SIMC1: variants seen among roughly 807,000 people sequenced by gnomAD.
The protein encoded by SIMC1 is SUMO interacting motifs containing 1.
A neutral mutation model predicts 82.3 loss-of-function variants in SIMC1; 55 were observed. The ratio of observed to expected loss-of-function variants is 0.67; its 90% CI spans 0.54 to 0.84. The LOEUF (loss-of-function observed/expected upper bound fraction) is 0.84. Among genes scored for constraint, SIMC1 ranks in the 40% least tolerant of loss-of-function variants. SIMC1 has a pLI of 0.00. For missense variants in SIMC1, 915 were observed against 1,107.2 expected (o/e 0.83, Z 2.46); for synonymous variants, 353 against 426.3 (o/e 0.83, Z 2.12).
intron 4 of SIMC1, among the ~76,000 whole-genome samples, chr5:176,301,379 T>G (rs1764033157): frequency 6.6e-6 from 1 of 152,172 alleles, no homozygotes; most frequent in Non-Finnish European, 1.5e-5. Context: ...TCCCCAGCCA[T>G]GTGGAACTGT....
At chr5:176,345,027 A>T (rs1209268275) in intron 9 of SIMC1, among the ~76,000 whole-genome samples, 156 bp from the exon 10 acceptor site, 7 of 152,106 alleles carry the variant, frequency 4.6e-5, no homozygotes, top group Admixed American at 3.9e-4. Context: ...GGCCTTTTGG[A>T]AGTGGAGTTA....
intron 1 of SIMC1, among the ~76,000 whole-genome samples, chr5:176,252,685 C>A (rs202057426): frequency 4.8e-5 from 7 of 146,296 alleles, no homozygotes; most frequent in Non-Finnish European, 9.0e-5. Flanking sequence ...GGCTCCTCAC[C>A]TCCCAGACGA....
At chr5:176,333,281 G>A (rs1363572392) in intron 7 of SIMC1, among the ~76,000 whole-genome samples, 1 of 151,946 alleles carries the variant, frequency 6.6e-6, no homozygotes, top group Non-Finnish European at 1.5e-5. Flanking sequence ...TCCAGCCTGG[G>A]CGACAGAGCA....
chr5:176,279,959 G>A (rs1315702510), intron 1 of SIMC1, among the ~76,000 whole-genome samples: 4 of 152,060 alleles, frequency 2.6e-5, no homozygotes, highest in Non-Finnish European at 4.4e-5. Context: ...TGTTGATTTG[G>A]GGTGGAGAGT....
At chr5:176,253,422 C>T (rs1761754501) in intron 1 of SIMC1, among the ~76,000 whole-genome samples, 2 of 152,086 alleles carry the variant, frequency 1.3e-5, no homozygotes, top group African/African-American at 4.8e-5. Flanking sequence ...CAATGTTGGC[C>T]AGCCTAGTCT....
At chr5:176,256,386 T>C (rs1218586778) in intron 1 of SIMC1, among the ~76,000 whole-genome samples, 2 of 152,170 alleles carry the variant, frequency 1.3e-5, no homozygotes, top group Non-Finnish European at 2.9e-5. Flanking sequence ...TATAGCCAAC[T>C]TGGTCACCAC....
intron 5 of SIMC1, among the ~76,000 whole-genome samples, chr5:176,320,331 T>TTTTATTTATTTA (rs71299779): frequency 3.6e-5 from 5 of 140,314 alleles, no homozygotes; most frequent in African/African-American, 1.1e-4. Flanking sequence ...AGCCATCCTA[T>TTTTATTTATTTA]TTTATTTATT....
chr5:176,330,257 T>G (rs549633321), intron 7 of SIMC1, among the ~76,000 whole-genome samples: 1 of 152,036 alleles, frequency 6.6e-6, no homozygotes, highest in African/African-American at 2.4e-5. Flanking sequence ...AAAAATTAGC[T>G]GGGCATGGTA....
intron 6 of SIMC1, among the ~76,000 whole-genome samples, chr5:176,323,959 G>C (rs1765266308): frequency 6.7e-6 from 1 of 148,906 alleles, no homozygotes; most frequent in African/African-American, 2.5e-5. Context: ...CAGCACTCCA[G>C]CCTGGGCGAC....
intron 5 of SIMC1, among the ~76,000 whole-genome samples, chr5:176,320,331 TTTTATTTATTTATTTATTTATTTA>T (rs71299779): frequency 1.5e-4 from 21 of 140,374 alleles, no homozygotes; most frequent in East Asian, 6.3e-4. Flanking sequence ...AGCCATCCTA[TTTTATTTATTTATTTATTTATTTA>T]TTTATTTATT....
At chr5:176,335,337 T>C (rs1297822607) in intron 7 of SIMC1, among the ~76,000 whole-genome samples, 2 of 142,230 alleles carry the variant, frequency 1.4e-5, no homozygotes, top group East Asian at 4.4e-4. Context: ...ATTGCAGTGG[T>C]GCAGTCTTGG....
chr5:176,272,172 C>CAAAAAAAAAA (rs1162307977), intron 1 of SIMC1, among the ~76,000 whole-genome samples: 4 of 19,950 alleles, frequency 2.0e-4, no homozygotes, highest in African/African-American at 5.6e-4. Flanking sequence ...CCCATCTCTA[C>CAAAAAAAAAA]AAAAAAAAAA....
chr5:176,302,343 A>G (rs1331008568), intron 4 of SIMC1, among the ~76,000 whole-genome samples: 2 of 152,196 alleles, frequency 1.3e-5, no homozygotes, highest in African/African-American at 4.8e-5. Flanking sequence ...TAATGCAGAA[A>G]ACACATTTGA....
chr5:176,308,686 G>T, intron 4 of SIMC1: 1 of 1,546,090 alleles, frequency 6.5e-7, no homozygotes, highest in Non-Finnish European at 8.9e-7. Context: ...GAAGAGGAAA[G>T]GTATGAGAGA....
In SIMC1 at chr5:176,252,592, A is replaced by G. The variant is rs1381983238; in HGVS notation, c.129+13955A>G. On this transcript the variant is annotated intron_variant, in intron 1 of 9. Transcript: ENST00000429602. Reference sequence around the variant, plus strand: ...CTTCCTAGATGGGATGGCAGCCGGGAAGAGGCGCTCCTCACTTCCTAGATG... The same window carrying G: ...CTTCCTAGATGGGATGGCAGCCGGGGAGAGGCGCTCCTCACTTCCTAGATG... 2.8e-3 allele frequency among the ~76,000 whole-genome samples: 376 copies of G among 135,552 alleles called. 4 individuals carry two copies. The highest frequency in any genetic ancestry group is 0.01 in the African/African-American group (355 of 35,276). The allele number at this position is 135,552 out of a possible 152,430, so 88.9% of individuals were successfully genotyped here.
intron 1 of SIMC1, chr5:176,270,602 A>G (rs532982262): frequency 3.9e-5 from 6 of 152,356 alleles, no homozygotes; most frequent in East Asian, 1.9e-4. Context: ...TGAATTGCCT[A>G]TACCACACCT....
intron 1 of SIMC1, among the ~76,000 whole-genome samples, chr5:176,244,232 A>G (rs1169253365): frequency 5.3e-5 from 3 of 57,044 alleles, no homozygotes; most frequent in African/African-American, 2.3e-4. Flanking sequence ...GGCTTGAGCA[A>G]CTGAATGCAT....
chr5:176,251,956 A>C, intron 1 of SIMC1, among the ~76,000 whole-genome samples: 1 of 149,762 alleles, frequency 6.7e-6, no homozygotes, highest in African/African-American at 2.5e-5. Context: ...TACAGAACAA[A>C]ATGAAAAGTT....
intron 4 of SIMC1, chr5:176,313,360 A>G (rs1764750826): frequency 6.6e-7 from 1 of 1,516,508 alleles, no homozygotes; most frequent in East Asian, 2.5e-5. Flanking sequence ...ATGATCTACA[A>G]TCCTAGAGAT....
Sources: allele counts gnomAD v4.1 joint callset (sites outside exome capture counted in the v4.1 genomes callset), GRCh38; gene constraint gnomAD v4.1.1; transcripts MANE v1.5; gene names NCBI Gene and HGNC (gene_info 2026-07-23, HGNC 2026-07-21).